ITGA7: variants seen among roughly 807,000 people sequenced by gnomAD.
ITGA7 encodes the protein integrin alpha-7.
In ITGA7, 84 loss-of-function variants were observed where a neutral mutation model predicts 131.6. The ratio of observed to expected loss-of-function variants is 0.64; its 90% CI spans 0.54 to 0.77. The LOEUF (loss-of-function observed/expected upper bound fraction) is 0.77, where lower values mean the gene tolerates loss of function less well. Ranked by LOEUF, ITGA7 falls within the 30% of genes least tolerant of loss-of-function variation. The pLI is 0.00. For missense variants in ITGA7, 1,399 were observed against 1,482.9 expected (o/e 0.94, Z 0.93); for synonymous variants, 548 against 600.7 (o/e 0.91, Z 1.28).
upstream of ITGA7, chr12:55,716,126 C>G (rs578186118): frequency 1.3e-5 from 21 of 1,610,270 alleles, no homozygotes; most frequent in Admixed American, 1.8e-4. Flanking sequence ...GCCCCCAGCC[C>G]GACGTGACCA....
chr12:55,687,997 C>T lies in ITGA7; in HGVS notation c.3157G>A (p.Ala1053Thr). Reference sequence around the variant, plus strand: ...TTCCACAGGAGCAGCACCAGCAGTGCTAGCACCAGCAGCCCAGCCAGTACA... The same window carrying T: ...TTCCACAGGAGCAGCACCAGCAGTGTTAGCACCAGCAGCCCAGCCAGTACA... The part of the protein sequence containing the change: ...LAVLAGLLVL[A>T]LLVLLLWKMG... The change falls in exon 24 of 25, where the codon GCA becomes ACA. Residue 1053 changes from alanine to threonine, a missense_variant. By Grantham distance (58) the Ala-to-Thr change is moderately conservative. Transcript: ENST00000257879. 6.2e-7 allele frequency: 1 copy of T among 1,614,204 alleles called. No homozygotes were observed. The highest frequency in any genetic ancestry group is 8.5e-7 in the Non-Finnish European group (1 of 1,180,026).
At chr12:55,700,671 C>T (rs1200622735) in intron 4 of ITGA7, 2 of 663,158 alleles carry the variant, frequency 3.0e-6, no homozygotes, top group Non-Finnish European at 5.1e-6. Context: ...GCCCAGCGTG[C>T]ACTTGGGGCC....
chr12:55,694,220 C>G lies in ITGA7; in HGVS notation c.2432+36G>C, dbSNP rs1422279434. 1 of 1,612,920 alleles carries G rather than the reference C, an allele frequency of 6.2e-7. No homozygotes were observed. The highest frequency in any genetic ancestry group is 8.5e-7 in the Non-Finnish European group (1 of 1,179,028). ...AGGTTTGGAAATGTCAATGCCCCCT[C>G]CCTCCAATGGAGGTGCCCCCTTGGG... On this transcript the variant is annotated intron_variant, in intron 18 of 24. Coordinates refer to ENST00000257879, the MANE Select transcript of ITGA7 (RefSeq NM_002206.3). This position sits in a 1 kb window ranked among gnomAD's most constrained non-coding sequence, Gnocchi z 5.3.
chr12:55,712,242 T>TTCC, upstream of ITGA7: 1 of 1,551,490 alleles, frequency 6.4e-7, no homozygotes, highest in South Asian at 1.2e-5. Context: ...TGAGAAGGAC[T>TTCC]GGGAGGTCAC....
chr12:55,685,215 T>G lies in ITGA7; in HGVS notation c.3257A>C (p.Glu1086Ala). The G allele has an allele frequency of 6.2e-7, 1 of 1,614,196 alleles. No individual in the cohort carries two copies. Among genetic ancestry groups the G allele is most frequent in the Admixed American group, 1.7e-5 (1 of 60,030 alleles). The part of the protein sequence containing the change: ...PQYHAVKIPR[E>A]DRQQFKEEKT... ...CTCCTCCTTGAACTGCTGTCGGTCTTCCCGAGGAATCTTCACCGCATGGTA... is the reference window on the plus strand; with the variant it reads ...CTCCTCCTTGAACTGCTGTCGGTCTGCCCGAGGAATCTTCACCGCATGGTA... Residue 1086 changes from glutamate to alanine, a missense_variant, in exon 25 of 25, where the codon GAA (glutamate) becomes GCA (alanine). Physicochemically the swap from Glu to Ala is moderately radical, Grantham distance 107. Transcript: ENST00000257879.
chr12:55,700,083 G>C, intron 4 of ITGA7, 94 bp from the exon 5 acceptor site: 1 of 1,509,490 alleles, frequency 6.6e-7, no homozygotes, highest in South Asian at 1.1e-5. Context: ...AGAAAATGGT[G>C]GAAGAAGAAG....
At chr12:55,695,164 C>A in intron 14 of ITGA7, 194 bp from the exon 15 acceptor site, 1 of 618,810 alleles carries the variant, frequency 1.6e-6, no homozygotes, top group Admixed American at 2.8e-5. Context: ...CTCATCTCAG[C>A]TCCACCATTA....
chr12:55,698,261 G>T, intron 7 of ITGA7, 122 bp downstream of exon 7: 1 of 989,388 alleles, frequency 1.0e-6, no homozygotes, highest in Non-Finnish European at 1.5e-6. Flanking sequence ...GTACAGCTCA[G>T]ACATAAGCTC....
Position 55,707,618 on chromosome 12 carries a change from A to T in ITGA7, c.65T>A (p.Leu22Gln). 1.2e-6 allele frequency: 2 copies of T among 1,611,252 alleles called. No individual in the cohort carries two copies. The highest frequency in any genetic ancestry group is 1.7e-6 in the Non-Finnish European group (2 of 1,178,674). ...ASGICYLFGS[L>Q]LVELLFSRAV... ...CCGTGAGAAGAGCAGTTCGACGAGC[A>T]GGGAGCCAAAAAGGTAGCAAATCCC... Residue 22 changes from leucine to glutamine, a missense_variant, in exon 1 of 25, where the codon CTG (leucine) becomes CAG (glutamine). Transcript: ENST00000257879.
In ITGA7 at chr12:55,695,572, G is replaced by A. The variant is rs751065767; in HGVS notation, c.1953C>T (p.Arg651=). ...KICQSNLQLV[R]ARFCTRVSDT... Reference sequence around the variant, plus strand: ...CGCTGACCCGGGTACAGAAGCGGGCGCGGACCAGCTGCAGATTGCTCTGGC... The same window carrying A: ...CGCTGACCCGGGTACAGAAGCGGGCACGGACCAGCTGCAGATTGCTCTGGC... Residue 651 remains arginine (R), a synonymous_variant, in exon 14 of 25, where the codon CGC becomes CGT. Coordinates refer to ENST00000257879, the MANE Select transcript of ITGA7 (RefSeq NM_002206.3). 26 of 1,613,740 alleles carry A rather than the reference G, an allele frequency of 1.6e-5. No homozygotes were observed. The highest frequency in any genetic ancestry group is 1.2e-4 in the Admixed American group (7 of 59,978).
rs766649206 is a variant in ITGA7, at chr12:55,697,018, C to T, written c.1618G>A (p.Val540Ile). 10 of 1,614,092 alleles carry T rather than the reference C, an allele frequency of 6.2e-6. No homozygotes were observed. The highest frequency in any genetic ancestry group is 8.5e-6 in the Non-Finnish European group (10 of 1,180,028). Residue 540 changes from valine to isoleucine, a missense_variant, in exon 12 of 25, where the codon GTT becomes ATT. Physicochemically the swap from Val to Ile is conservative, Grantham distance 29. Transcript: ENST00000257879. ...ADTDRRLRGQ[V>I]PRVTFLSRNL... ...CGGCTCAGGAACGTCACACGGGGAA[C>T]CTGGCCCCGGAGCCTCCGGTCTGTG...
chr12:55,693,731 C>G (rs1052216483), intron 19 of ITGA7, among the ~76,000 whole-genome samples: 1 of 152,056 alleles, frequency 6.6e-6, no homozygotes, highest in East Asian at 1.9e-4. Flanking sequence ...ATTAACCCCC[C>G]GCCCCATGTT....
At position 55,688,949 on chromosome 12, in the gene ITGA7, G is replaced by A. The variant is rs1442495726; in HGVS notation, c.2853C>T (p.Ala951=). 2 of 1,613,672 alleles carry A rather than the reference G, an allele frequency of 1.2e-6. No individual in the cohort carries two copies. Among genetic ancestry groups the A allele is most frequent in the South Asian group, 2.2e-5 (2 of 91,068 alleles). ...ACACCACACAGTTGGCCGTGCCCCGGGCGCAGTCCTAGGGATAAGGACAGA... is the reference window on the plus strand; with the variant it reads ...ACACCACACAGTTGGCCGTGCCCCGAGCGCAGTCCTAGGGATAAGGACAGA... ...EKKKNITLDC[A]RGTANCVVFS... is the part of the protein sequence containing the mutation. The change falls in exon 22 of 25, where the codon GCC becomes GCT. Residue 951 remains alanine (A), a synonymous_variant. Transcript: ENST00000257879.
upstream of ITGA7, chr12:55,712,222 C>T: frequency 6.4e-7 from 1 of 1,551,482 alleles, no homozygotes. Flanking sequence ...CAAAAGAAAC[C>T]CTTAACACTT....
At chr12:55,688,786 T>A in intron 22 of ITGA7, 58 bp downstream of exon 22, 1 of 1,292,584 alleles carries the variant, frequency 7.7e-7, no homozygotes, top group South Asian at 1.2e-5. Flanking sequence ...GAGAAATGAG[T>A]CCTGGAGGGG....
chr12:55,702,927 T>C lies in ITGA7; in HGVS notation c.359A>G (p.Glu120Gly), dbSNP rs1268939557. 3 of 1,613,088 alleles carry C rather than the reference T, an allele frequency of 1.9e-6. No individual in the cohort carries two copies. The highest frequency in any genetic ancestry group is 2.5e-6 in the Non-Finnish European group (3 of 1,180,010). The change falls in exon 3 of 25, where the codon GAG becomes GGG. Residue 120 changes from glutamate (E) to glycine (G), a missense_variant. Transcript: ENST00000257879. ...QGADMQKESK[E>G]NQWLGVSVRS... ...AACACTGACTCCCAACCACTGGTTC[T>C]CCTTGCTTTCCTTTTGCATATCAGC...
chr12:55,697,495 G>T lies in ITGA7; in HGVS notation c.1461C>A (p.Ser487Arg). The T allele has an allele frequency of 6.2e-7, 1 of 1,614,124 alleles. No individual in the cohort carries two copies. Among genetic ancestry groups the T allele is most frequent in the East Asian group, 2.2e-5 (1 of 44,888 alleles). The stretch of plus-strand genomic sequence containing the variant: ...CACAGTTGGGCTGCTCCAGGTCGAT[G>T]CTTCGTGGAGCAATAGAGACCTCAT... ...VSHEVSIAPR[S>R]IDLEQPNCAG... Residue 487 changes from serine to arginine, a missense_variant, in exon 10 of 25, where the codon AGC becomes AGA. Transcript: ENST00000257879.
At chr12:55,702,300 C>T (rs548963664) in intron 3 of ITGA7, among the ~76,000 whole-genome samples, 3 of 152,364 alleles carry the variant, frequency 2.0e-5, no homozygotes, top group Non-Finnish European at 2.9e-5. Context: ...CTGCCTCAGC[C>T]TCTCTGAGTA....
upstream of ITGA7, among the ~76,000 whole-genome samples, chr12:55,714,581 G>T (rs1279066987): frequency 2.0e-5 from 3 of 150,622 alleles, no homozygotes; most frequent in Admixed American, 2.0e-4. Flanking sequence ...AGCTACTCAG[G>T]AGGCTGAGGC....
Sources: gnomAD v4.1 joint callset for allele counts (sites outside exome capture counted in the v4.1 genomes callset) on GRCh38, gnomAD v4.1.1 for gene constraint, Gnocchi (gnomAD v3.1) non-coding constraint, MANE v1.5 for transcripts, NCBI Gene and HGNC (gene_info 2026-07-23, HGNC 2026-07-21) for gene names.